Variants in ROBO2 observed in about 807,000 individuals in gnomAD.
The protein encoded by ROBO2 is roundabout homolog 2.
In ROBO2, 53 loss-of-function variants were observed where a neutral mutation model predicts 160.8. The observed-to-expected ratio is 0.33, with a 90% CI of 0.26 to 0.41. The LOEUF (loss-of-function observed/expected upper bound fraction) is 0.41, where lower values mean the gene tolerates loss of function less well. Among genes scored for constraint, ROBO2 ranks in the 10% least tolerant of loss-of-function variants. ROBO2 has a pLI of 1.00. For synonymous variants in ROBO2, 664 were observed against 611.7 expected, an observed-to-expected ratio of 1.09 and a Z score of -1.26; for missense variants, 1,577 against 1,722.4, an observed-to-expected ratio of 0.92 and a Z score of 1.49.
intron 2 of ROBO2, among the ~76,000 whole-genome samples, chr3:77,356,175 C>T (rs1250683335): frequency 6.6e-6 from 1 of 152,066 alleles, no homozygotes; most frequent in African/African-American, 2.4e-5. Flanking sequence ...TGAGCTAGAT[C>T]TGTATTAAAA....
At chr3:76,656,968 C>G (rs1005053335) in intron 2 of ROBO2, among the ~76,000 whole-genome samples, 1 of 152,110 alleles carries the variant, frequency 6.6e-6, no homozygotes, top group Non-Finnish European at 1.5e-5. Context: ...AACTGGCTCT[C>G]TATTTTGGAG....
intron 2 of ROBO2, among the ~76,000 whole-genome samples, chr3:77,376,500 C>G (rs2072691952): frequency 2.6e-5 from 4 of 152,000 alleles, no homozygotes; most frequent in Admixed American, 2.6e-4. Context: ...AGCTAAAATT[C>G]CTCTTGATTT....
At chr3:76,318,781 T>C (rs2072262530) in intron 2 of ROBO2, among the ~76,000 whole-genome samples, 1 of 152,100 alleles carries the variant, frequency 6.6e-6, no homozygotes, top group South Asian at 2.1e-4. Context: ...GTTAGTTGAA[T>C]GTTAAAAAAT....
chr3:77,075,672 CTTTTTTTTTT>C (rs1174587812), intron 1 of ROBO2, among the ~76,000 whole-genome samples: 1 of 87,254 alleles, frequency 1.1e-5, no homozygotes, highest in African/African-American at 4.9e-5. Flanking sequence ...TTTCTTTCTC[CTTTTTTTTTT>C]TTTTTTTTTT....
intron 2 of ROBO2, among the ~76,000 whole-genome samples, chr3:75,979,608 G>T (rs1271539939): frequency 6.6e-6 from 1 of 151,468 alleles, no homozygotes; most frequent in Non-Finnish European, 1.5e-5. Context: ...GACATAACAT[G>T]CATAAAAATG....
intron 1 of ROBO2, among the ~76,000 whole-genome samples, chr3:75,915,742 T>C (rs1026715355): frequency 3.3e-5 from 5 of 151,452 alleles, no homozygotes; most frequent in African/African-American, 1.2e-4. Context: ...GAGAGAAGAG[T>C]GGGTGATGTT....
At chr3:76,381,836 T>C (rs1160829417) in intron 2 of ROBO2, among the ~76,000 whole-genome samples, 1 of 152,206 alleles carries the variant, frequency 6.6e-6, no homozygotes, top group Non-Finnish European at 1.5e-5. Flanking sequence ...GTGTCACTGC[T>C]AATAAGTGGC....
rs369819962 is a variant in ROBO2, at chr3:76,062,223, TA to T, written c.109+124623del. Among the ~76,000 whole-genome samples, 512 of 152,312 alleles carry T rather than the reference TA, an allele frequency of 3.4e-3. 2 individuals carry two copies. Among genetic ancestry groups the T allele is most frequent in the African/African-American group, 0.012 (487 of 41,576 alleles). The stretch of plus-strand genomic sequence containing the variant: ...CTTTTAAAACAATCTTTGAAAGGCA[TA>T]ACTGATTTTTGGGTGCAACAGTAAA... On this transcript the variant is annotated intron_variant, in intron 2 of 26. Transcript: ENST00000487694.
intron 2 of ROBO2, among the ~76,000 whole-genome samples, chr3:76,854,468 C>G (rs999537450): frequency 1.3e-5 from 2 of 152,110 alleles, no homozygotes; most frequent in Non-Finnish European, 2.9e-5. Context: ...CTTCCACCAA[C>G]AATGAATGAC....
chr3:77,363,735 G>A (rs1370254343), intron 2 of ROBO2, among the ~76,000 whole-genome samples: 2 of 152,166 alleles, frequency 1.3e-5, no homozygotes, highest in Non-Finnish European at 2.9e-5. Flanking sequence ...CAGCCCCACT[G>A]GAATGAGGGT....
At chr3:76,836,755 G>A (rs1338617241) in intron 2 of ROBO2, among the ~76,000 whole-genome samples, 3 of 151,456 alleles carry the variant, frequency 2.0e-5, no homozygotes, top group African/African-American at 7.3e-5. Flanking sequence ...AAAATATTTT[G>A]TAAGTCCTCA....
intron 2 of ROBO2, among the ~76,000 whole-genome samples, chr3:76,999,845 C>T (rs991011238): frequency 6.6e-6 from 1 of 151,950 alleles, no homozygotes; most frequent in African/African-American, 2.4e-5. Context: ...ACATATATAC[C>T]TTTGTGTTCT....
chr3:77,202,424 A>G (rs1302729596), intron 2 of ROBO2, among the ~76,000 whole-genome samples: 1 of 152,178 alleles, frequency 6.6e-6, no homozygotes, highest in East Asian at 1.9e-4. Flanking sequence ...GAGGGGTGAT[A>G]TAGTAACAAC....
intron 2 of ROBO2, among the ~76,000 whole-genome samples, chr3:76,450,092 C>G (rs748424794): frequency 6.8e-6 from 1 of 147,654 alleles, no homozygotes; most frequent in Non-Finnish European, 1.5e-5. Flanking sequence ...GCACATCAGA[C>G]GTTTGGAAGA....
intron 1 of ROBO2, among the ~76,000 whole-genome samples, chr3:77,051,141 T>C (rs2149693159): frequency 6.6e-6 from 1 of 152,328 alleles, no homozygotes; most frequent in South Asian, 2.1e-4. Flanking sequence ...GGGTTATTCC[T>C]CACTGGCTAT....
At chr3:76,828,341 A>G (rs1296891649) in intron 2 of ROBO2, among the ~76,000 whole-genome samples, 3 of 152,042 alleles carry the variant, frequency 2.0e-5, no homozygotes, top group Non-Finnish European at 2.9e-5. Context: ...ATGAAATTTT[A>G]ATCAGTTAAT....
At chr3:76,285,267 A>G (rs1051600915) in intron 2 of ROBO2, among the ~76,000 whole-genome samples, 2 of 152,130 alleles carry the variant, frequency 1.3e-5, no homozygotes, top group Admixed American at 6.6e-5. Flanking sequence ...TCATTTGATT[A>G]TTCAGTTTCT....
chr3:76,146,148 T>G (rs1376393507), intron 2 of ROBO2, among the ~76,000 whole-genome samples: 1 of 152,048 alleles, frequency 6.6e-6, no homozygotes, highest in African/African-American at 2.4e-5. Context: ...CAACACTAGA[T>G]CTATGTAAAC....
chr3:77,204,886 G>A (rs921272014), intron 2 of ROBO2, among the ~76,000 whole-genome samples: 8 of 152,208 alleles, frequency 5.3e-5, no homozygotes, highest in Non-Finnish European at 1.0e-4. Context: ...ACTGAAACGC[G>A]ACAGTCCACT....
Sources: allele counts gnomAD v4.1 joint callset (sites outside exome capture counted in the v4.1 genomes callset), GRCh38; gene constraint gnomAD v4.1.1; transcripts MANE v1.5; gene names NCBI Gene and HGNC (gene_info 2026-07-23, HGNC 2026-07-21).